FARP1: variants seen among roughly 807,000 people sequenced by gnomAD.
The protein encoded by FARP1 is FERM, ARH/RhoGEF and pleckstrin domain protein 1.
Under a neutral mutation model 128.8 loss-of-function variants are expected in FARP1, and 52 were observed. The ratio of observed to expected loss-of-function variants is 0.40; its 90% CI spans 0.32 to 0.51. The LOEUF is 0.51. Among genes scored for constraint, FARP1 ranks in the 20% least tolerant of loss-of-function variants. The probability of loss-of-function intolerance (pLI) is 0.45; values close to 1 mark genes in which losing one functional copy is unlikely to be tolerated. For synonymous variants in FARP1, 580 were observed against 551.8 expected, an observed-to-expected ratio of 1.05 and a Z score of -0.72; for missense variants, 1,333 against 1,367.9, an observed-to-expected ratio of 0.97 and a Z score of 0.40.
At chr13:98,373,581 C>G (rs1433218402) in intron 5 of FARP1, among the ~76,000 whole-genome samples, 4 of 145,148 alleles carry the variant, frequency 2.8e-5, no homozygotes, top group African/African-American at 1.0e-4. Flanking sequence ...CACACACACA[C>G]AGAAAGGGGG....
intron 2 of FARP1, among the ~76,000 whole-genome samples, chr13:98,249,333 G>A (rs1238437814): frequency 6.6e-6 from 1 of 152,162 alleles, no homozygotes; most frequent in Non-Finnish European, 1.5e-5. Context: ...CCTTGTTAAT[G>A]TACTTGGTGA....
chr13:98,194,099 A>G (rs1281041565), intron 1 of FARP1, among the ~76,000 whole-genome samples: 4 of 151,728 alleles, frequency 2.6e-5, no homozygotes, highest in Admixed American at 1.3e-4. Context: ...ACACCATTTT[A>G]TTTTATTTTC....
chr13:98,300,683 C>CT (rs1257741537), intron 2 of FARP1, among the ~76,000 whole-genome samples: 2 of 152,136 alleles, frequency 1.3e-5, no homozygotes, highest in Non-Finnish European at 1.5e-5. Context: ...CCCCTCTGTA[C>CT]TTTTTTTCTA....
intron 2 of FARP1, among the ~76,000 whole-genome samples, chr13:98,220,761 A>C (rs1881368514): frequency 2.0e-5 from 3 of 151,962 alleles, no homozygotes; most frequent in Admixed American, 2.0e-4. Context: ...GTTTGTGTGC[A>C]CCCCTTTCAG....
intron 2 of FARP1, chr13:98,328,993 C>G (rs1440333499): frequency 6.6e-6 from 1 of 152,180 alleles, no homozygotes; most frequent in Non-Finnish European, 1.5e-5. Flanking sequence ...AAGGGAGGGG[C>G]CTCCTGTACT....
intron 2 of FARP1, among the ~76,000 whole-genome samples, chr13:98,312,381 T>C (rs1886512787): frequency 6.6e-6 from 1 of 152,122 alleles, no homozygotes; most frequent in Non-Finnish European, 1.5e-5. Context: ...CCTTGTGATC[T>C]GCCTGCCTCG....
intron 1 of FARP1, among the ~76,000 whole-genome samples, chr13:98,171,488 A>G (rs1440618492): frequency 6.6e-6 from 1 of 152,188 alleles, no homozygotes; most frequent in Non-Finnish European, 1.5e-5. Context: ...CCCAAAAGTC[A>G]GTAGAATGTT....
At chr13:98,214,400 T>G (rs2139331849) in intron 2 of FARP1, among the ~76,000 whole-genome samples, 1 of 152,086 alleles carries the variant, frequency 6.6e-6, no homozygotes, top group African/African-American at 2.4e-5. Context: ...TCTAATATTG[T>G]TTGTGGAGGA....
intron 18 of FARP1, 67 bp from the exon 19 acceptor site, chr13:98,435,509 A>AC: frequency 6.5e-7 from 1 of 1,529,574 alleles, no homozygotes; most frequent in East Asian, 2.3e-5. Context: ...CGTTGAGCTG[A>AC]CAGCTGCTAG....
rs1293593607 is a variant in FARP1, at chr13:98,231,059, C to T, written c.171+17646C>T. Reference sequence around the variant, plus strand: ...CGAGAACAGTAAGGGGGGAACTGCCCCCCCCATAATTCAGTTATCTCCACC... The same window carrying T: ...CGAGAACAGTAAGGGGGGAACTGCCTCCCCCATAATTCAGTTATCTCCACC... On this transcript the variant is annotated intron_variant, in intron 2 of 26. Transcript: ENST00000319562. Among the ~76,000 whole-genome samples, 4 of 152,118 alleles carry T rather than the reference C, an allele frequency of 2.6e-5. No homozygotes were observed. The East Asian group carries it at 5.8e-4, about 22-fold the overall frequency.
intron 19 of FARP1, among the ~76,000 whole-genome samples, chr13:98,436,287 T>G (rs928467926): frequency 4.6e-5 from 7 of 152,134 alleles, no homozygotes; most frequent in African/African-American, 1.7e-4. Context: ...TCAACAGGGC[T>G]TCCCGCACAC....
chr13:98,319,586 C>G (rs1036093782), intron 2 of FARP1, among the ~76,000 whole-genome samples: 3 of 152,222 alleles, frequency 2.0e-5, no homozygotes, highest in Non-Finnish European at 4.4e-5. Context: ...CGCCACTGCA[C>G]TCCAGCCTGG....
chr13:98,413,161 G>C (rs1891254913), intron 16 of FARP1, among the ~76,000 whole-genome samples: 1 of 152,186 alleles, frequency 6.6e-6, no homozygotes, highest in Non-Finnish European at 1.5e-5. Context: ...TTTTATACCT[G>C]GAGGATAATT....
At chr13:98,423,641 A>G (rs1891674141) in intron 16 of FARP1, among the ~76,000 whole-genome samples, 2 of 152,192 alleles carry the variant, frequency 1.3e-5, no homozygotes, top group African/African-American at 4.8e-5. Flanking sequence ...GTGCGAGTTC[A>G]CACCTCGTGA....
At chr13:98,324,229 C>T (rs1887132592) in intron 2 of FARP1, among the ~76,000 whole-genome samples, 1 of 152,118 alleles carries the variant, frequency 6.6e-6, no homozygotes, top group Non-Finnish European at 1.5e-5. Flanking sequence ...AAACAAAGGT[C>T]AAGTTACTCT....
In FARP1 at chr13:98,448,703, A is replaced by G. The variant is rs559201417; in HGVS notation, c.*386A>G. 1.0e-4 allele frequency: 17 copies of G among 167,748 alleles called. No individual in the cohort carries two copies. Among genetic ancestry groups the G allele is most frequent in the Non-Finnish European group, 1.8e-4 (14 of 78,492 alleles). 10.4% of individuals were successfully genotyped at this position (167,748 alleles called of 1,614,324 possible). On this transcript the variant is annotated 3_prime_UTR_variant, in exon 27 of 27. Transcript: ENST00000319562. ...GTTCTTTCTTTTATTATTTTCACCTATTGGCTGCTGCATTTTACGAAGTGG... is the reference window on the plus strand; with the variant it reads ...GTTCTTTCTTTTATTATTTTCACCTGTTGGCTGCTGCATTTTACGAAGTGG...
chr13:98,421,913 G>T (rs1307758254), intron 16 of FARP1, among the ~76,000 whole-genome samples: 2 of 152,128 alleles, frequency 1.3e-5, no homozygotes, highest in African/African-American at 4.8e-5. Flanking sequence ...TTGGAAATAA[G>T]ATCCTAAAAT....
intron 6 of FARP1, chr13:98,382,233 A>G (rs573116463): frequency 1.3e-5 from 2 of 152,288 alleles, no homozygotes; most frequent in East Asian, 3.9e-4. Context: ...CTTGGAAAAA[A>G]TAAAAGGAAG....
At chr13:98,384,665 G>T (rs1261070381) in intron 6 of FARP1, 65 bp from the exon 7 acceptor site, 1 of 970,262 alleles carries the variant, frequency 1.0e-6, no homozygotes, top group Non-Finnish European at 1.6e-6. Context: ...GGCTCACTGG[G>T]GAATATTGAC....
Sources: gnomAD v4.1 joint callset for allele counts (sites outside exome capture counted in the v4.1 genomes callset) on GRCh38, gnomAD v4.1.1 for gene constraint, MANE v1.5 for transcripts, NCBI Gene and HGNC (gene_info 2026-07-23, HGNC 2026-07-21) for gene names.